The following TRIO variants were observed in gnomAD, a reference collection of about 807,000 sequenced individuals.
TRIO encodes triple functional domain protein.
In TRIO, 58 loss-of-function variants were observed where a neutral mutation model predicts 351.9. The ratio of observed to expected loss-of-function variants is 0.16; its 90% CI spans 0.13 to 0.21. The LOEUF (loss-of-function observed/expected upper bound fraction) is 0.21, where lower values mean the gene tolerates loss of function less well. TRIO is among the 10% of genes least tolerant of loss of function. The pLI, the probability that TRIO is intolerant of heterozygous loss-of-function variation, is 1.00. For missense variants in TRIO, 3,201 were observed against 4,027.8 expected, an observed-to-expected ratio of 0.79 and a Z score of 5.56; for synonymous variants, 1,758 against 1,595.7, an observed-to-expected ratio of 1.10 and a Z score of -2.42.
At chr5:14,349,029 T>C (rs1224656016) in intron 11 of TRIO, among the ~76,000 whole-genome samples, 1 of 151,916 alleles carries the variant, frequency 6.6e-6, no homozygotes. Flanking sequence ...TGTTTATTTA[T>C]GTGTACGCAC....
At chr5:14,384,554 T>G (rs895023107) in intron 21 of TRIO, among the ~76,000 whole-genome samples, 1 of 152,234 alleles carries the variant, frequency 6.6e-6, no homozygotes, top group African/African-American at 2.4e-5. Context: ...AGAATTTTTT[T>G]TAATGATGTT....
intron 1 of TRIO, among the ~76,000 whole-genome samples, chr5:14,218,994 G>A (rs1442607704): frequency 6.6e-6 from 1 of 152,198 alleles, no homozygotes; most frequent in African/African-American, 2.4e-5. Flanking sequence ...CAAGATTTAG[G>A]ACAAGTGCCT....
chr5:14,220,288 GGC>G (rs1792527789), intron 1 of TRIO, among the ~76,000 whole-genome samples: 1 of 152,094 alleles, frequency 6.6e-6, no homozygotes, highest in African/African-American at 2.4e-5. Context: ...TGTATATGGT[GGC>G]AAACTTAATC....
At position 14,293,062 on chromosome 5, in the gene TRIO, A is replaced by G. The variant is rs2152286696; in HGVS notation, c.1104A>G (p.Thr368=). ...AAGGCCTGTTTCTAAACAGCTACAC[A>G]GAGATTGGGACCAGCCACCCTCATG... The part of the protein sequence containing the change: ...HNKGLFLNSY[T]EIGTSHPHAM... The change falls in exon 6 of 57, where the codon ACA becomes ACG. Residue 368 remains threonine, a synonymous_variant. Transcript: ENST00000344204. 3 of 1,614,160 alleles carry G rather than the reference A, an allele frequency of 1.9e-6. No individual in the cohort carries two copies. Among genetic ancestry groups the G allele is most frequent in the Non-Finnish European group, 2.5e-6 (3 of 1,180,020 alleles).
At chr5:14,215,576 T>C (rs1792167635) in intron 1 of TRIO, among the ~76,000 whole-genome samples, 1 of 152,260 alleles carries the variant, frequency 6.6e-6, no homozygotes, top group African/African-American at 2.4e-5. Flanking sequence ...AAATGATTCC[T>C]TAAGTTTCTT....
At chr5:14,221,337 A>G (rs901417876) in intron 1 of TRIO, among the ~76,000 whole-genome samples, 15 of 152,192 alleles carry the variant, frequency 9.9e-5, no homozygotes, top group African/African-American at 2.9e-4. Flanking sequence ...GGCTAACACA[A>G]CATCCGTACT....
At chr5:14,432,800 C>T (rs1751277490) in intron 34 of TRIO, among the ~76,000 whole-genome samples, 1 of 152,148 alleles carries the variant, frequency 6.6e-6, no homozygotes, top group African/African-American at 2.4e-5. Flanking sequence ...TTATTCTGCC[C>T]CCTTTCCTAA....
At chr5:14,202,183 A>G (rs1791161065) in intron 1 of TRIO, among the ~76,000 whole-genome samples, 2 of 152,078 alleles carry the variant, frequency 1.3e-5, no homozygotes, top group South Asian at 4.1e-4. Context: ...CATATAGCAT[A>G]TAGATAACCC....
intron 32 of TRIO, chr5:14,406,221 G>A (rs1293988102): frequency 3.2e-5 from 21 of 652,022 alleles, no homozygotes; most frequent in Non-Finnish European, 5.1e-6. Flanking sequence ...TCATTGTTTT[G>A]CCTTTCTCAC....
At chr5:14,292,979 A>AGTGATTGC in intron 5 of TRIO, 33 bp from the exon 6 acceptor site, 2 of 1,613,368 alleles carry the variant, frequency 1.2e-6, no homozygotes, top group Non-Finnish European at 1.7e-6. Flanking sequence ...CTCTTTCTGG[A>AGTGATTGC]GTGATTGCGG....
chr5:14,457,514 C>T (rs1753443663), intron 34 of TRIO, among the ~76,000 whole-genome samples: 1 of 152,078 alleles, frequency 6.6e-6, no homozygotes, highest in South Asian at 2.1e-4. Context: ...AAATCCCTTG[C>T]AGCTGAGCCC....
chr5:14,506,801 C>A lies in TRIO; in HGVS notation c.8613-321C>A, dbSNP rs6860764. The stretch of plus-strand genomic sequence containing the variant: ...CTACTTGCCTTCCTTCAGCAGATAC[C>A]GCAGGATGCCTGCTGCACCTGGCAC... On this transcript the variant is annotated intron_variant, in intron 55 of 56. Transcript: ENST00000344204. 0.053 allele frequency among the ~76,000 whole-genome samples: 8,050 copies of A among 152,226 alleles called. 740 individuals carry two copies. The highest frequency in any genetic ancestry group is 0.18 in the African/African-American group (7,560 of 41,496).
At chr5:14,178,837 CAGT>C (rs975624061) in intron 1 of TRIO, among the ~76,000 whole-genome samples, 31 of 152,174 alleles carry the variant, frequency 2.0e-4, no homozygotes, top group African/African-American at 6.3e-4. Context: ...CACCTCCTGT[CAGT>C]GGTGGTCTGT....
chr5:14,394,474 A>AG (rs1463826685), intron 28 of TRIO, among the ~76,000 whole-genome samples: 1 of 152,102 alleles, frequency 6.6e-6, no homozygotes, highest in African/African-American at 2.4e-5. Flanking sequence ...TAACCTCCCA[A>AG]CAATGCTAGT....
At chr5:14,212,229 C>T (rs549746611) in intron 1 of TRIO, among the ~76,000 whole-genome samples, 124 of 152,220 alleles carry the variant, frequency 8.1e-4, no homozygotes, top group African/African-American at 2.9e-3. Flanking sequence ...GAATTATAAA[C>T]AGGTGGCATG....
rs77258756 is a variant in TRIO, at chr5:14,292,508, A to G, written c.1054-504A>G. Among the ~76,000 whole-genome samples the G allele has an allele frequency of 5.2e-3, 785 of 152,314 alleles. 8 individuals are homozygous for G. The highest frequency in any genetic ancestry group is 0.018 in the African/African-American group (756 of 41,578). ...TCCCACCTTTTTTATAGTAAATTTT[A>G]TGTTTTTGCAATCTGCACAGGTGTC... On this transcript the variant is annotated intron_variant, in intron 5 of 56. Coordinates refer to ENST00000344204, the MANE Select transcript of TRIO (RefSeq NM_007118.4).
chr5:14,343,558 A>C (rs1742139281), intron 11 of TRIO, among the ~76,000 whole-genome samples: 1 of 152,118 alleles, frequency 6.6e-6, no homozygotes, highest in Non-Finnish European at 1.5e-5. Context: ...AATTCCTTTG[A>C]CACACCCACT....
intron 46 of TRIO, among the ~76,000 whole-genome samples, chr5:14,483,713 G>A (rs1268369321): frequency 2.0e-5 from 3 of 152,096 alleles, no homozygotes; most frequent in South Asian, 2.1e-4. Flanking sequence ...GAAGGAGGCC[G>A]CCTCTGCATG....
intron 1 of TRIO, among the ~76,000 whole-genome samples, chr5:14,225,494 T>C (rs1027960647): frequency 6.6e-6 from 1 of 152,096 alleles, no homozygotes; most frequent in Non-Finnish European, 1.5e-5. Context: ...ATTCAGGGTG[T>C]TGGCAGAATC....
Sources: gnomAD v4.1 joint callset for allele counts (sites outside exome capture counted in the v4.1 genomes callset) on GRCh38, gnomAD v4.1.1 for gene constraint, MANE v1.5 for transcripts, NCBI Gene and HGNC (gene_info 2026-07-23, HGNC 2026-07-21) for gene names.